The following SNX4 variants were observed in gnomAD, a reference collection of about 807,000 sequenced individuals.
SNX4 encodes the protein sorting nexin-4.
SNX4 carries 49 observed loss-of-function variants against 70.8 expected under a neutral mutation model. The ratio of observed to expected loss-of-function variants is 0.69; its 90% CI spans 0.55 to 0.88. SNX4 has a LOEUF of 0.88. Among genes scored for constraint, SNX4 ranks in the 40% least tolerant of loss-of-function variants. SNX4 has a pLI of 0.00. For missense variants in SNX4, 528 were observed against 544.8 expected (o/e 0.97, Z 0.31); for synonymous variants, 206 against 183.8 (o/e 1.12, Z -0.98).
At chr3:125,517,263 T>C (rs188559505) in intron 1 of SNX4, among the ~76,000 whole-genome samples, 10 of 152,236 alleles carry the variant, frequency 6.6e-5, no homozygotes, top group Non-Finnish European at 1.2e-4. Flanking sequence ...GACTAGCTTG[T>C]GACCATGGTC....
intron 5 of SNX4, among the ~76,000 whole-genome samples, chr3:125,491,420 T>C (rs1934656942): frequency 6.6e-6 from 1 of 152,230 alleles, no homozygotes; most frequent in African/African-American, 2.4e-5. Context: ...CTCATGCTTT[T>C]TAACACCAGC....
chr3:125,510,926 T>C (rs766859770), intron 1 of SNX4, among the ~76,000 whole-genome samples: 1 of 152,242 alleles, frequency 6.6e-6, no homozygotes, highest in Non-Finnish European at 1.5e-5. Context: ...TAACACAATT[T>C]GTTTGTTTTT....
intron 5 of SNX4, among the ~76,000 whole-genome samples, chr3:125,490,858 C>T (rs1468807764): frequency 6.6e-6 from 1 of 151,750 alleles, no homozygotes; most frequent in Non-Finnish European, 1.5e-5. Context: ...TAAAAGGTAG[C>T]TCAATCAGGA....
At chr3:125,503,070 C>T (rs1388531591) in intron 2 of SNX4, among the ~76,000 whole-genome samples, 2 of 151,800 alleles carry the variant, frequency 1.3e-5, no homozygotes, top group Non-Finnish European at 2.9e-5. Context: ...CCACACCTGG[C>T]TAATTTTCAT....
intron 2 of SNX4, among the ~76,000 whole-genome samples, chr3:125,499,228 A>T (rs1216522928): frequency 6.6e-6 from 1 of 152,230 alleles, no homozygotes; most frequent in Admixed American, 6.5e-5. Context: ...AGTAAGACCT[A>T]TTAGGAAGCA....
intron 12 of SNX4, 59 bp downstream of exon 12, chr3:125,453,746 TAAATA>T: frequency 2.1e-6 from 3 of 1,411,490 alleles, no homozygotes; most frequent in African/African-American, 1.4e-5. Flanking sequence ...AATAAATAAA[TAAATA>T]AAATAATCTA....
Position 125,489,413 on chromosome 3 carries a change from T to C in SNX4, c.648A>G (p.Pro216=), listed in dbSNP as rs1934602732. ...ALNATFRVKN[P]DKRFTDLKHY... Reference sequence around the variant, plus strand: ...TTATTAAAACAAAACCTTACTTGTCTGGGTTTTTCACTCTGAATGTTGCAT... The same window carrying C: ...TTATTAAAACAAAACCTTACTTGTCCGGGTTTTTCACTCTGAATGTTGCAT... Residue 216 remains proline (P), a synonymous_variant, in exon 6 of 14, where the codon CCA becomes CCG. Transcript: ENST00000251775. 3 of 1,612,100 alleles carry C rather than the reference T, an allele frequency of 1.9e-6. No homozygotes were observed. The highest frequency in any genetic ancestry group is 1.3e-5 in the African/African-American group (1 of 74,888).
chr3:125,505,263 C>G (rs751258443), intron 1 of SNX4, among the ~76,000 whole-genome samples: 55 of 152,204 alleles, frequency 3.6e-4, no homozygotes, highest in Non-Finnish European at 7.4e-5. Context: ...AGCCACTGCA[C>G]CCAGCCTTCC....
chr3:125,482,726 G>A (rs1403396062), intron 6 of SNX4, among the ~76,000 whole-genome samples: 1 of 152,066 alleles, frequency 6.6e-6, no homozygotes, highest in Non-Finnish European at 1.5e-5. Flanking sequence ...CAAGTATTCA[G>A]TTACTGTGGT....
chr3:125,506,892 T>C (rs115495424), intron 1 of SNX4, among the ~76,000 whole-genome samples: 6,653 of 80,826 alleles, frequency 0.082, 392 homozygotes, highest in African/African-American at 0.19. Flanking sequence ...AGTACAGAGA[T>C]AGAAAACTTA....
chr3:125,458,062 T>C (rs543850511), intron 10 of SNX4, among the ~76,000 whole-genome samples: 118 of 152,242 alleles, frequency 7.8e-4, no homozygotes, highest in African/African-American at 2.6e-3. Flanking sequence ...AATTAGTTCT[T>C]ACATAATGTA....
intron 9 of SNX4, among the ~76,000 whole-genome samples, chr3:125,465,558 T>C (rs921800870): frequency 3.3e-5 from 5 of 152,120 alleles, no homozygotes; most frequent in African/African-American, 7.2e-5. Flanking sequence ...CTAGTAAATC[T>C]TGAAAGTAAT....
chr3:125,487,423 G>C (rs1262676220), intron 6 of SNX4, among the ~76,000 whole-genome samples: 1 of 152,004 alleles, frequency 6.6e-6, no homozygotes, highest in African/African-American at 2.4e-5. Flanking sequence ...GGTCAGAAAA[G>C]GGAGGAAAAA....
rs72977761 is a variant in SNX4, at chr3:125,500,462, C to T, written c.264-2268G>A. Among the ~76,000 whole-genome samples, 1,056 of 152,162 alleles carry T rather than the reference C, an allele frequency of 6.9e-3. 7 individuals are homozygous for T. The highest frequency in any genetic ancestry group is 0.021 in the African/African-American group (853 of 41,526). ...AATCTTAGCCCACTAAACTATAACA[C>T]TATAGAATAGGCACATATCAAAAAT... On this transcript the variant is annotated intron_variant, in intron 2 of 13. Coordinates refer to ENST00000251775, the MANE Select transcript of SNX4 (RefSeq NM_003794.4).
intron 2 of SNX4, among the ~76,000 whole-genome samples, chr3:125,500,015 G>A (rs1424665722): frequency 2.0e-5 from 3 of 151,720 alleles, no homozygotes; most frequent in African/African-American, 4.8e-5. Flanking sequence ...AGCTGAGATC[G>A]CGCCAACGCA....
chr3:125,489,609 AT>A lies in SNX4; in HGVS notation c.598-147del, dbSNP rs368079058. Reference sequence around the variant, plus strand: ...AAACACATTAAACATGCCTAAAAAAATAGCTTAGTAATTATTTTTGAAAACA... The same window carrying A: ...AAACACATTAAACATGCCTAAAAAAAAGCTTAGTAATTATTTTTGAAAACA... On this transcript the variant is annotated intron_variant, in intron 5 of 13. Transcript: ENST00000251775. 7.5e-4 allele frequency: 491 copies of A among 653,900 alleles called. No individual in the cohort carries two copies. The African/African-American group carries it at 8.1e-3, about 11-fold the overall frequency. 40.5% of individuals were successfully genotyped at this position (653,900 alleles called of 1,614,324 possible).
intron 12 of SNX4, among the ~76,000 whole-genome samples, chr3:125,452,519 T>C (rs1011179593): frequency 3.9e-5 from 6 of 152,070 alleles, no homozygotes; most frequent in African/African-American, 1.2e-4. Context: ...GACTTTGAGG[T>C]GGCAGCGAGC....
intron 2 of SNX4, 91 bp downstream of exon 2, chr3:125,504,532 T>C: frequency 7.8e-7 from 1 of 1,274,426 alleles, no homozygotes; most frequent in Non-Finnish European, 1.1e-6. Context: ...AAATAACCTT[T>C]AAAAAATTCT....
At chr3:125,512,206 C>T (rs1212022958) in intron 1 of SNX4, among the ~76,000 whole-genome samples, 2 of 152,152 alleles carry the variant, frequency 1.3e-5, no homozygotes, top group Non-Finnish European at 2.9e-5. Flanking sequence ...TTGACACATA[C>T]ATATATACAT....
Sources: gnomAD v4.1 joint callset for allele counts (sites outside exome capture counted in the v4.1 genomes callset) on GRCh38, gnomAD v4.1.1 for gene constraint, MANE v1.5 for transcripts, NCBI Gene and HGNC (gene_info 2026-07-23, HGNC 2026-07-21) for gene names.